Variants in TSNARE1 observed in about 807,000 individuals in gnomAD.
TSNARE1 encodes t-SNARE domain-containing protein 1.
In TSNARE1, 49 loss-of-function variants were observed where a neutral mutation model predicts 62.0. That is an observed-to-expected ratio of 0.79 (90% CI 0.63 to 1.00). The LOEUF (loss-of-function observed/expected upper bound fraction) is 1.00, where lower values mean the gene tolerates loss of function less well. Ranked by LOEUF, TSNARE1 falls within the 50% of genes least tolerant of loss-of-function variation. The probability of loss-of-function intolerance (pLI) is 0.00; values close to 1 mark genes in which losing one functional copy is unlikely to be tolerated. For synonymous variants in TSNARE1, 328 were observed against 294.4 expected (o/e 1.11, Z -1.17); for missense variants, 755 against 700.1 (o/e 1.08, Z -0.88).
At chr8:142,380,287 G>A (rs11993578) in intron 1 of TSNARE1, among the ~76,000 whole-genome samples, 2,006 of 152,264 alleles carry the variant, frequency 0.013, 43 homozygotes, top group African/African-American at 0.045. Context: ...TGCAGAGCCC[G>A]GGGTCCCACC....
chr8:142,320,755 A>G (rs1026001801), intron 6 of TSNARE1, among the ~76,000 whole-genome samples: 1 of 152,210 alleles, frequency 6.6e-6, no homozygotes, highest in Non-Finnish European at 1.5e-5. Flanking sequence ...CAGCACCAAC[A>G]CCTGCCCAGA....
chr8:142,343,188 C>T (rs1171129093), intron 4 of TSNARE1, among the ~76,000 whole-genome samples: 2 of 152,224 alleles, frequency 1.3e-5, no homozygotes, highest in Non-Finnish European at 2.9e-5. Flanking sequence ...GCAGATGCTG[C>T]CTCCCAGGTC....
intron 10 of TSNARE1, among the ~76,000 whole-genome samples, chr8:142,287,652 TG>T (rs1563834245): frequency 4.1e-5 from 1 of 24,220 alleles, no homozygotes; most frequent in Non-Finnish European, 7.9e-5. Context: ...GACAGTGGGC[TG>T]CCCTCCAGGT....
At chr8:142,342,200 C>T (rs567736444) in intron 4 of TSNARE1, among the ~76,000 whole-genome samples, 2 of 152,356 alleles carry the variant, frequency 1.3e-5, no homozygotes, top group African/African-American at 4.8e-5. Flanking sequence ...GAAACAGTCC[C>T]GAGGAAGTTC....
At chr8:142,263,929 G>GTTAAAA (rs1319466389) in intron 12 of TSNARE1, among the ~76,000 whole-genome samples, 1 of 152,216 alleles carries the variant, frequency 6.6e-6, no homozygotes, top group Non-Finnish European at 1.5e-5. Flanking sequence ...TAAAGTTAAA[G>GTTAAAA]TTAACTCTGC....
intron 13 of TSNARE1, among the ~76,000 whole-genome samples, chr8:142,216,916 A>G (rs535939342): frequency 6.6e-6 from 1 of 152,206 alleles, no homozygotes; most frequent in African/African-American, 2.4e-5. Context: ...GAGATGAAAC[A>G]GGGAGAGGAG....
intron 11 of TSNARE1, among the ~76,000 whole-genome samples, chr8:142,281,480 T>C (rs555213684): frequency 6.6e-6 from 1 of 151,820 alleles, no homozygotes; most frequent in African/African-American, 2.4e-5. Context: ...AGCCCCACCA[T>C]GGTTGGGGGC....
intron 4 of TSNARE1, among the ~76,000 whole-genome samples, chr8:142,341,927 A>G (rs1051518915): frequency 2.0e-5 from 3 of 152,176 alleles, no homozygotes; most frequent in African/African-American, 7.2e-5. Flanking sequence ...AAAGCCAGAG[A>G]CAAGCAGCCC....
At chr8:142,327,093 C>T (rs1404103230) in intron 6 of TSNARE1, among the ~76,000 whole-genome samples, 1 of 152,200 alleles carries the variant, frequency 6.6e-6, no homozygotes, top group Admixed American at 6.5e-5. Flanking sequence ...CACCGTATAA[C>T]CCAGCAAGTC....
chr8:142,354,409 G>A (rs1586986592), intron 2 of TSNARE1, among the ~76,000 whole-genome samples: 6 of 152,014 alleles, frequency 3.9e-5, no homozygotes. Flanking sequence ...TGCCCAGCAT[G>A]AACTGGGACA....
chr8:142,265,290 G>A (rs370700505), intron 12 of TSNARE1, among the ~76,000 whole-genome samples: 100 of 152,240 alleles, frequency 6.6e-4, no homozygotes, highest in Middle Eastern at 3.4e-3. Context: ...ACCAGCCACC[G>A]CTCTGCCCTC....
At chr8:142,334,680 A>C (rs1831515072) in intron 4 of TSNARE1, among the ~76,000 whole-genome samples, 1 of 152,254 alleles carries the variant, frequency 6.6e-6, no homozygotes. Flanking sequence ...AGTGATAAAG[A>C]AACCTGAAAA....
intron 1 of TSNARE1, among the ~76,000 whole-genome samples, chr8:142,376,956 C>T (rs941311389): frequency 5.9e-5 from 9 of 152,254 alleles, no homozygotes; most frequent in Non-Finnish European, 2.9e-5. Context: ...GGGAAGCACT[C>T]CTGAGTCACA....
intron 1 of TSNARE1, among the ~76,000 whole-genome samples, chr8:142,385,369 A>T (rs1837044048): frequency 6.6e-6 from 1 of 152,206 alleles, no homozygotes; most frequent in African/African-American, 2.4e-5. Context: ...CTTCAAAACA[A>T]ACCTCAGCCA....
intron 12 of TSNARE1, chr8:142,270,827 T>C (rs1228882812): frequency 9.0e-5 from 89 of 985,216 alleles, no homozygotes; most frequent in Non-Finnish European, 9.8e-5. Context: ...CATCCCTGAG[T>C]AGACCTGGTC....
Position 142,344,206 on chromosome 8 carries a change from G to A in TSNARE1, c.505C>T (p.Gln169Ter). 6.2e-7 allele frequency: 1 copy of A among 1,613,602 alleles called. No individual in the cohort carries two copies. Among genetic ancestry groups the A allele is most frequent in the Non-Finnish European group, 8.5e-7 (1 of 1,179,894 alleles). The change falls in exon 4 of 14, where the codon CAG becomes TAG. Residue 169 changes from glutamine (Q) to a stop codon, truncating the protein, a stop_gained. Coordinates refer to ENST00000524325, the MANE Select transcript of TSNARE1 (RefSeq NM_145003.5). LOFTEE classifies it high-confidence loss of function. ...RRYRVWSRILQAVNALGYCRR... is the reference protein window; with the variant it reads ...RRYRVWSRIL Reference sequence around the variant, plus strand: ...CAGTAGCCCAGCGCATTCACGGCCTGCAGGATGCGGCTCCACACGCGGTAC... The same window carrying A: ...CAGTAGCCCAGCGCATTCACGGCCTACAGGATGCGGCTCCACACGCGGTAC...
intron 1 of TSNARE1, chr8:142,366,044 C>A (rs1216155183): frequency 5.5e-6 from 2 of 365,294 alleles, no homozygotes; most frequent in Non-Finnish European, 1.1e-5. Flanking sequence ...TTTCTGATTG[C>A]TTTTTTTTCT....
intron 10 of TSNARE1, among the ~76,000 whole-genome samples, chr8:142,293,674 G>A (rs1009445468): frequency 3.9e-5 from 6 of 152,322 alleles, no homozygotes; most frequent in Admixed American, 6.5e-5. Context: ...AGACCTGGCT[G>A]TCATCCCTCC....
chr8:142,280,152 C>T (rs925761290), intron 11 of TSNARE1: 23 of 985,454 alleles, frequency 2.3e-5, no homozygotes, highest in South Asian at 4.7e-5. Context: ...GCCGCACCCT[C>T]TGCACCAGCA....
Sources: gnomAD v4.1 joint callset for allele counts (sites outside exome capture counted in the v4.1 genomes callset) on GRCh38, gnomAD v4.1.1 for gene constraint, MANE v1.5 for transcripts, NCBI Gene and HGNC (gene_info 2026-07-23, HGNC 2026-07-21) for gene names.